DNAH6: variants seen among roughly 807,000 people sequenced by gnomAD.
DNAH6 encodes the protein axonemal beta dynein heavy chain 6.
Under a neutral mutation model 491.4 loss-of-function variants are expected in DNAH6, and 340 were observed. That is an observed-to-expected ratio of 0.69 (90% CI 0.63 to 0.76). The LOEUF is 0.76. Among genes scored for constraint, DNAH6 ranks in the 30% least tolerant of loss-of-function variants. The pLI, the probability that DNAH6 is intolerant of heterozygous loss-of-function variation, is 0.00. For missense variants in DNAH6, 4,443 were observed against 4,972.2 expected (o/e 0.89, Z 3.20); for synonymous variants, 1,603 against 1,686.1 (o/e 0.95, Z 1.21).
At chr2:84,614,883 T>TC (rs1686695595) in intron 22 of DNAH6, among the ~76,000 whole-genome samples, 1 of 152,122 alleles carries the variant, frequency 6.6e-6, no homozygotes, top group Non-Finnish European at 1.5e-5. Context: ...TTTGTTTTTT[T>TC]CTTGCTGATT....
chr2:84,763,057 A>C, intron 64 of DNAH6, 112 bp downstream of exon 64: 1 of 755,402 alleles, frequency 1.3e-6, no homozygotes, highest in Non-Finnish European at 2.2e-6. Context: ...TTCAGGTATC[A>C]CTTACTACAT....
At chr2:84,648,013 T>G (rs953342345) in intron 33 of DNAH6, among the ~76,000 whole-genome samples, 16 of 152,234 alleles carry the variant, frequency 1.1e-4, no homozygotes, top group African/African-American at 3.4e-4. Context: ...ATTCTAATGT[T>G]AGTTCTGTTT....
the DNAH6 span, among the ~76,000 whole-genome samples, chr2:84,506,538 G>A: frequency 4.6e-5 from 7 of 151,928 alleles, no homozygotes; most frequent in Admixed American, 1.3e-4. Flanking sequence ...CTCTGATGGT[G>A]GTTTCTTTTG....
chr2:84,674,077 G>A (rs543768653), intron 40 of DNAH6, among the ~76,000 whole-genome samples: 48 of 152,284 alleles, frequency 3.2e-4, no homozygotes, highest in Middle Eastern at 3.4e-3. Flanking sequence ...AGAAAAGGGC[G>A]GGGGGCATGT....
At chr2:84,679,055 T>C (rs1693524977) in intron 41 of DNAH6, among the ~76,000 whole-genome samples, 1 of 152,066 alleles carries the variant, frequency 6.6e-6, no homozygotes, top group Non-Finnish European at 1.5e-5. Flanking sequence ...AAAAAGAACT[T>C]GGATATAATC....
At chr2:84,490,705 G>A in the DNAH6 span, among the ~76,000 whole-genome samples, 1 of 152,092 alleles carries the variant, frequency 6.6e-6, no homozygotes. Context: ...GGAACTACAG[G>A]TGTGTGCCAC....
At chr2:84,700,371 TG>T (rs1367027367) in intron 48 of DNAH6, among the ~76,000 whole-genome samples, 6 of 151,988 alleles carry the variant, frequency 3.9e-5, no homozygotes, top group South Asian at 2.1e-4. Flanking sequence ...TAGGAAGATG[TG>T]GGGGTAAGAG....
At chr2:84,662,957 GT>G (rs1389860269) in intron 37 of DNAH6, among the ~76,000 whole-genome samples, 1 of 152,164 alleles carries the variant, frequency 6.6e-6, no homozygotes, top group Non-Finnish European at 1.5e-5. Flanking sequence ...GCCTCTGCTG[GT>G]GATACCCAGG....
At position 84,634,486 on chromosome 2, in the gene DNAH6, G is replaced by T; in HGVS notation, c.4516-18G>T. 4 of 1,524,488 alleles carry T rather than the reference G, an allele frequency of 2.6e-6. No homozygotes were observed. The highest frequency in any genetic ancestry group is 3.5e-6 in the Non-Finnish European group (4 of 1,136,828). The allele number at this position is 1,524,488 out of a possible 1,614,324, so 94.4% of individuals were successfully genotyped here. The stretch of plus-strand genomic sequence containing the variant: ...GAACTACACAATACAAAGTTGAACT[G>T]CTTTATTTTGATTTCAGATGATGGG... On this transcript the variant is annotated intron_variant, in intron 29 of 76. Transcript: ENST00000389394.
At chr2:84,608,475 G>A (rs1476902023) in intron 21 of DNAH6, among the ~76,000 whole-genome samples, 2 of 152,188 alleles carry the variant, frequency 1.3e-5, no homozygotes, top group African/African-American at 4.8e-5. Context: ...GTGTTAGCAG[G>A]CATGAAAGCA....
At chr2:84,499,293 A>G in the DNAH6 span, among the ~76,000 whole-genome samples, 1 of 152,112 alleles carries the variant, frequency 6.6e-6, no homozygotes, top group African/African-American at 2.4e-5. Context: ...AGAACATGCA[A>G]TGTTTGTCTT....
intron 68 of DNAH6, among the ~76,000 whole-genome samples, chr2:84,789,425 G>T (rs1229623909): frequency 6.6e-6 from 1 of 152,182 alleles, no homozygotes; most frequent in Non-Finnish European, 1.5e-5. Context: ...TTAAGCAAGT[G>T]CAGTCAAGAT....
intron 60 of DNAH6, 113 bp downstream of exon 60, chr2:84,722,917 A>C: frequency 2.9e-6 from 2 of 678,646 alleles, no homozygotes; most frequent in Non-Finnish European, 4.6e-6. Flanking sequence ...AAAATCTCCC[A>C]GGTGCATGCA....
At position 84,763,714 on chromosome 2, in the gene DNAH6, ATGTGTGTGTGTGTGTGTGTGTGTGTG is replaced by A. The variant is rs70953906; in HGVS notation, c.10703+797_10703+822del. Among the ~76,000 whole-genome samples the A allele has an allele frequency of 6.3e-5, 8 of 126,822 alleles. No homozygotes were observed. The East Asian group carries it at 1.0e-3, about 16-fold the overall frequency. 83.2% of individuals were successfully genotyped at this position (126,822 alleles called of 152,430 possible). A position where few individuals can be genotyped will look rare whatever the true frequency, so the allele number is the denominator to read the frequency against. ...TCTCCAGAGAAATAGAACTGATAGG[ATGTGTGTGTGTGTGTGTGTGTGTGTG>A]TGTGTGTGTGTGTGTGTGTGTGTGT... On this transcript the variant is annotated intron_variant, in intron 64 of 76. Coordinates refer to ENST00000389394, the MANE Select transcript of DNAH6 (RefSeq NM_001370.2).
intron 49 of DNAH6, among the ~76,000 whole-genome samples, chr2:84,702,542 CTT>C (rs34867074): frequency 1.4e-4 from 19 of 132,448 alleles, no homozygotes; most frequent in East Asian, 8.6e-4. Context: ...TTTGAACCAG[CTT>C]TTTTTTTTTT....
intron 37 of DNAH6, among the ~76,000 whole-genome samples, chr2:84,662,552 G>A (rs1330887087): frequency 6.6e-6 from 1 of 152,224 alleles, no homozygotes; most frequent in Non-Finnish European, 1.5e-5. Flanking sequence ...GCAAGGCTGG[G>A]GGAGGGGTGC....
At chr2:84,736,970 A>AT (rs979593473) in intron 62 of DNAH6, among the ~76,000 whole-genome samples, 1 of 152,068 alleles carries the variant, frequency 6.6e-6, no homozygotes, top group African/African-American at 2.4e-5. Flanking sequence ...TGGGTTTGTC[A>AT]TTGATGGCTC....
chr2:84,811,743 C>A (rs1483552103), intron 72 of DNAH6, among the ~76,000 whole-genome samples: 2 of 152,044 alleles, frequency 1.3e-5, no homozygotes, highest in African/African-American at 4.8e-5. Flanking sequence ...TGCCTGTAAT[C>A]CCAACTACTT....
At chr2:84,593,615 G>A (rs539888581) in intron 16 of DNAH6, among the ~76,000 whole-genome samples, 1 of 152,212 alleles carries the variant, frequency 6.6e-6, no homozygotes, top group South Asian at 2.1e-4. Flanking sequence ...GGAAATCAGT[G>A]CCTCTAAAGA....
Sources: gnomAD v4.1 joint callset for allele counts (sites outside exome capture counted in the v4.1 genomes callset) on GRCh38, gnomAD v4.1.1 for gene constraint, MANE v1.5 for transcripts, NCBI Gene and HGNC (gene_info 2026-07-23, HGNC 2026-07-21) for gene names.